Variants in PLXNA4 observed in about 807,000 individuals in gnomAD.
The protein encoded by PLXNA4 is plexin A4.
A neutral mutation model predicts 191.8 loss-of-function variants in PLXNA4; 44 were observed. The observed-to-expected ratio is 0.23, with a 90% CI of 0.18 to 0.29. The LOEUF (loss-of-function observed/expected upper bound fraction) is 0.29, where lower values mean the gene tolerates loss of function less well. Ranked by LOEUF, PLXNA4 falls within the 10% of genes least tolerant of loss-of-function variation. PLXNA4 has a pLI of 1.00. For synonymous variants in PLXNA4, 1,082 were observed against 1,009.5 expected (o/e 1.07, Z -1.36); for missense variants, 1,800 against 2,488.8 (o/e 0.72, Z 5.89).
chr7:132,492,627 C>G (rs1303859433), intron 2 of PLXNA4, among the ~76,000 whole-genome samples: 1 of 152,132 alleles, frequency 6.6e-6, no homozygotes, highest in Non-Finnish European at 1.5e-5. Context: ...CAGGAGGTGG[C>G]CCTGCTCTTT....
intron 2 of PLXNA4, among the ~76,000 whole-genome samples, chr7:132,586,783 G>T (rs1174915994): frequency 6.6e-6 from 1 of 152,052 alleles, no homozygotes; most frequent in Non-Finnish European, 1.5e-5. Flanking sequence ...TTAATTAGCT[G>T]GGTGTGGTGG....
intron 1 of PLXNA4, among the ~76,000 whole-genome samples, chr7:132,548,216 T>A (rs1428685695): frequency 6.6e-6 from 1 of 152,172 alleles, no homozygotes; most frequent in African/African-American, 2.4e-5. Context: ...AGCACTTAGT[T>A]GTCATAGTAG....
At chr7:132,188,951 G>GAGGAGAGGAGAGGAGAGGAAAGGAA (rs1562908606) in intron 14 of PLXNA4, among the ~76,000 whole-genome samples, 1 of 49,982 alleles carries the variant, frequency 2.0e-5, no homozygotes, top group Non-Finnish European at 5.4e-5. Context: ...CCTTCCCAGA[G>GAGGAGAGGAGAGGAGAGGAAAGGAA]AGGAAAGGAA....
chr7:132,366,865 G>A (rs1435308899), intron 3 of PLXNA4, among the ~76,000 whole-genome samples: 1 of 152,140 alleles, frequency 6.6e-6, no homozygotes. Context: ...GGGATTAAGT[G>A]ATCCTCCCAC....
At chr7:132,368,570 G>A (rs1804289512) in intron 3 of PLXNA4, among the ~76,000 whole-genome samples, 1 of 152,208 alleles carries the variant, frequency 6.6e-6, no homozygotes, top group East Asian at 1.9e-4. Flanking sequence ...CACCTGGAGT[G>A]TCTAGAGTGG....
chr7:132,584,084 A>G (rs1017829188), intron 2 of PLXNA4, among the ~76,000 whole-genome samples: 7 of 152,178 alleles, frequency 4.6e-5, no homozygotes, highest in African/African-American at 1.7e-4. Context: ...AGGGTCATTG[A>G]TGGGCCTGGA....
chr7:132,302,052 A>G (rs936986062), intron 3 of PLXNA4, among the ~76,000 whole-genome samples: 1 of 152,216 alleles, frequency 6.6e-6, no homozygotes, highest in African/African-American at 2.4e-5. Flanking sequence ...GCCTTTGACA[A>G]GGTTCCACAT....
chr7:132,640,795 G>A (rs1408200623), intron 2 of PLXNA4, among the ~76,000 whole-genome samples: 1 of 146,208 alleles, frequency 6.8e-6, no homozygotes, highest in Non-Finnish European at 1.5e-5. Flanking sequence ...AAAGGGGGGG[G>A]CCCTGCCAAT....
chr7:132,601,806 G>A (rs1340384584), intron 2 of PLXNA4, among the ~76,000 whole-genome samples: 1 of 152,200 alleles, frequency 6.6e-6, no homozygotes, highest in African/African-American at 2.4e-5. Flanking sequence ...AGAGGGAATA[G>A]ATTAGTAATT....
At chr7:132,362,086 G>A (rs1424819241) in intron 3 of PLXNA4, among the ~76,000 whole-genome samples, 4 of 152,116 alleles carry the variant, frequency 2.6e-5, no homozygotes, top group Non-Finnish European at 5.9e-5. Context: ...GCCACCAGGG[G>A]TTCTCTTAAT....
At position 132,576,018 on chromosome 7, in the gene PLXNA4, G is replaced by C. The variant is rs1802208746; in HGVS notation, c.-87+404C>G. 6.6e-6 allele frequency among the ~76,000 whole-genome samples: 1 copy of C among 152,140 alleles called. No individual in the cohort carries two copies. The highest frequency in any genetic ancestry group is 2.4e-5 in the African/African-American group (1 of 41,426). On this transcript the variant is annotated intron_variant, in intron 1 of 31. Transcript: ENST00000321063. The surrounding 1 kb of genome is among the most constrained non-coding windows in gnomAD (Gnocchi z 5.8). Reference sequence around the variant, plus strand: ...TGGGTAGGTCTCCGGAAACCTCTCAGGACTTCTCCCATTTTAAAGCCCAGC... The same window carrying C: ...TGGGTAGGTCTCCGGAAACCTCTCACGACTTCTCCCATTTTAAAGCCCAGC...
chr7:132,565,840 C>T (rs182131476), intron 1 of PLXNA4, among the ~76,000 whole-genome samples: 2 of 152,302 alleles, frequency 1.3e-5, no homozygotes, highest in East Asian at 1.9e-4. Flanking sequence ...GGAATCAATA[C>T]AAGCTGTTGT....
chr7:132,294,330 T>A (rs1353574900), intron 4 of PLXNA4, among the ~76,000 whole-genome samples: 1 of 152,158 alleles, frequency 6.6e-6, no homozygotes, highest in Non-Finnish European at 1.5e-5. Flanking sequence ...GAGCACTCTC[T>A]CCCGCCCTGG....
chr7:132,275,519 C>T (rs1800242097), intron 4 of PLXNA4, among the ~76,000 whole-genome samples: 1 of 152,120 alleles, frequency 6.6e-6, no homozygotes, highest in African/African-American at 2.4e-5. Context: ...GTAAAGCTGG[C>T]AAAAGACTGA....
intron 3 of PLXNA4, among the ~76,000 whole-genome samples, chr7:132,442,182 A>G (rs1195144695): frequency 6.6e-6 from 1 of 152,224 alleles, no homozygotes; most frequent in Non-Finnish European, 1.5e-5. Flanking sequence ...CTGAAAGAGC[A>G]GAGAATGAGT....
At chr7:132,554,103 G>GAT (rs1800686121) in intron 1 of PLXNA4, among the ~76,000 whole-genome samples, 1 of 152,124 alleles carries the variant, frequency 6.6e-6, no homozygotes. Flanking sequence ...GATAGATATA[G>GAT]ATATAGATAC....
chr7:132,314,489 C>T (rs1034832656), intron 3 of PLXNA4, among the ~76,000 whole-genome samples: 1 of 152,170 alleles, frequency 6.6e-6, no homozygotes, highest in African/African-American at 2.4e-5. Flanking sequence ...TTCCCTTCTG[C>T]TTCTTGGGGC....
At chr7:132,206,450 G>A (rs956138983) in intron 10 of PLXNA4, among the ~76,000 whole-genome samples, 1 of 151,428 alleles carries the variant, frequency 6.6e-6, no homozygotes, top group African/African-American at 2.4e-5. Context: ...GTGTGTGTGT[G>A]TGTGTGTGTG....
intron 4 of PLXNA4, among the ~76,000 whole-genome samples, chr7:132,289,740 C>T (rs1800816693): frequency 6.6e-6 from 1 of 152,002 alleles, no homozygotes; most frequent in African/African-American, 2.4e-5. Flanking sequence ...GCCATATTGC[C>T]CAGGCTGGTC....
Sources: gnomAD v4.1 joint callset for allele counts (sites outside exome capture counted in the v4.1 genomes callset) on GRCh38, gnomAD v4.1.1 for gene constraint, Gnocchi (gnomAD v3.1) non-coding constraint, MANE v1.5 for transcripts, NCBI Gene and HGNC (gene_info 2026-07-23, HGNC 2026-07-21) for gene names.